Variants in KCNK3 observed in about 807,000 individuals in gnomAD.
KCNK3 encodes the protein potassium two pore domain channel subfamily K member 3, also known as potassium channel subfamily K member 3.
KCNK3 carries 9 observed loss-of-function variants against 27.3 expected under a neutral mutation model. The ratio of observed to expected loss-of-function variants is 0.33; its 90% CI spans 0.20 to 0.57. The LOEUF (loss-of-function observed/expected upper bound fraction) is 0.57. Ranked by LOEUF, KCNK3 falls within the 20% of genes least tolerant of loss-of-function variation. The pLI is 0.87. For missense variants in KCNK3, 391 were observed against 577.7 expected (o/e 0.68, Z 3.31); for synonymous variants, 278 against 273.8 (o/e 1.02, Z -0.15).
At position 26,693,375 on chromosome 2, in the gene KCNK3, G is replaced by T. The variant is rs1175447162; in HGVS notation, c.283+217G>T. On this transcript the variant is annotated intron_variant, in intron 1 of 1. Coordinates refer to ENST00000302909, the MANE Select transcript of KCNK3 (RefSeq NM_002246.3). The surrounding 1 kb of genome is among the most constrained non-coding windows in gnomAD (Gnocchi z 5.5). ...TCCTGGCTCCGGACCTGACTCTCCGGCCGGGCCAGCCCTAACTTGGCCCTG... is the reference window on the plus strand; with the variant it reads ...TCCTGGCTCCGGACCTGACTCTCCGTCCGGGCCAGCCCTAACTTGGCCCTG... Among the ~76,000 whole-genome samples, 1 of 152,234 alleles carries T rather than the reference G, an allele frequency of 6.6e-6. No homozygotes were observed. The highest frequency in any genetic ancestry group is 1.5e-5 in the Non-Finnish European group (1 of 68,022).
chr2:26,708,771 CTT>C (rs1207021913), intron 1 of KCNK3, among the ~76,000 whole-genome samples: 2 of 152,196 alleles, frequency 1.3e-5, no homozygotes. Context: ...TGTGACATGA[CTT>C]AAATTTTTAC....
In KCNK3 at chr2:26,699,255, C is replaced by CAAAGAAAGAAAGAAAGAAAGAA. The variant is rs1228423650; in HGVS notation, c.283+6098_283+6099insAAGAAAGAAAGAAAGAAAGAAA. On this transcript the variant is annotated intron_variant, in intron 1 of 1. Coordinates refer to ENST00000302909, the MANE Select transcript of KCNK3 (RefSeq NM_002246.3). ...AAAGAAAGAAAGAAAGAAAGAAAGCCAGCCAAGGAGAAAGGTACACGGTGG... is the reference window on the plus strand; with the variant it reads ...AAAGAAAGAAAGAAAGAAAGAAAGCCAAAGAAAGAAAGAAAGAAAGAAAGCCAAGGAGAAAGGTACACGGTGG... Among the ~76,000 whole-genome samples, 158 of 106,476 alleles carry CAAAGAAAGAAAGAAAGAAAGAA rather than the reference C, an allele frequency of 1.5e-3. 1 individual carries two copies. Among genetic ancestry groups the CAAAGAAAGAAAGAAAGAAAGAA allele is most frequent in the Non-Finnish European group, 2.4e-3 (115 of 47,998 alleles). 69.9% of individuals were successfully genotyped at this position (106,476 alleles called of 152,430 possible). A position where few individuals can be genotyped will look rare whatever the true frequency, so the allele number is the denominator to read the frequency against.
chr2:26,722,995 C>T (rs1420507898), intron 1 of KCNK3, among the ~76,000 whole-genome samples: 1 of 152,192 alleles, frequency 6.6e-6, no homozygotes, highest in Non-Finnish European at 1.5e-5. Flanking sequence ...CAGGTCAGAC[C>T]CCAGATCTCC....
At chr2:26,695,784 T>TG (rs1670227270) in intron 1 of KCNK3, among the ~76,000 whole-genome samples, 2 of 152,126 alleles carry the variant, frequency 1.3e-5, no homozygotes, top group Admixed American at 6.5e-5. Flanking sequence ...CTAAAAGCCA[T>TG]GGGGGGAGAG....
intron 1 of KCNK3, among the ~76,000 whole-genome samples, chr2:26,724,164 G>A (rs541421062): frequency 6.6e-6 from 1 of 152,344 alleles, no homozygotes; most frequent in Admixed American, 6.5e-5. Context: ...GGGCGCCCAC[G>A]TCAGCAGGTC....
chr2:26,724,530 T>C (rs1663378196), intron 1 of KCNK3: 2 of 918,138 alleles, frequency 2.2e-6, no homozygotes, highest in Admixed American at 6.2e-5. Flanking sequence ...TAAGAAGTTT[T>C]TGAGGATTAA....
At chr2:26,715,690 G>T (rs1330981855) in intron 1 of KCNK3, among the ~76,000 whole-genome samples, 1 of 152,224 alleles carries the variant, frequency 6.6e-6, no homozygotes, top group South Asian at 2.1e-4. Flanking sequence ...AGGGCCGGGA[G>T]GGTGTAGGGG....
In KCNK3 at chr2:26,729,883, TG is replaced by T. The variant is rs1227778350; in HGVS notation, c.*1316del. On this transcript the variant is annotated 3_prime_UTR_variant, in exon 2 of 2. Transcript: ENST00000302909. ...AAGGGAGACAAGAGCCCAGCCTGCTTGTTGCTAGCCAAAGTGTTCTTTCCTT... is the reference window on the plus strand; with the variant it reads ...AAGGGAGACAAGAGCCCAGCCTGCTTTTGCTAGCCAAAGTGTTCTTTCCTT... 4.6e-5 allele frequency: 7 copies of T among 151,760 alleles called. No homozygotes were observed. The highest frequency in any genetic ancestry group is 1.0e-4 in the Non-Finnish European group (7 of 68,114). 9.4% of individuals were successfully genotyped at this position (151,760 alleles called of 1,614,324 possible).
rs577810710 is a variant in KCNK3, at chr2:26,713,546, G to A, written c.284-14121G>A. On this transcript the variant is annotated intron_variant, in intron 1 of 1. Coordinates refer to ENST00000302909, the MANE Select transcript of KCNK3 (RefSeq NM_002246.3). The stretch of plus-strand genomic sequence containing the variant: ...TGTAATCCCAGCACTTTGGGAAGCC[G>A]AGGCGGGCGGATCCCCTGAGGTCAG... Among the ~76,000 whole-genome samples the A allele has an allele frequency of 1.1e-4, 17 of 152,028 alleles. No individual in the cohort carries two copies. In the South Asian group the frequency reaches 2.3e-3, roughly 20 times the overall value.
intron 1 of KCNK3, among the ~76,000 whole-genome samples, chr2:26,706,952 T>C (rs911343262): frequency 3.3e-5 from 5 of 152,088 alleles, no homozygotes; most frequent in Non-Finnish European, 5.9e-5. Context: ...GCCCTTCCAG[T>C]TGGGGCCGTC....
At position 26,692,948 on chromosome 2, in the gene KCNK3, G is replaced by T; in HGVS notation, c.73G>T (p.Val25Phe). ...TFTYLLVGAA[V>F]FDALESEPEL... ...CACCTACCTGCTGGTGGGCGCCGCG[G>T]TCTTCGACGCGCTGGAGTCGGAGCC... The change falls in exon 1 of 2, where the codon GTC (valine) becomes TTC (phenylalanine). Residue 25 changes from valine (V) to phenylalanine (F), a missense_variant. Transcript: ENST00000302909. This position sits in a 1 kb window ranked among gnomAD's most constrained non-coding sequence, Gnocchi z 5.6. 1 of 1,554,778 alleles carries T rather than the reference G, an allele frequency of 6.4e-7. No homozygotes were observed. Among genetic ancestry groups the T allele is most frequent in the African/African-American group, 1.4e-5 (1 of 72,740 alleles).
intron 1 of KCNK3, among the ~76,000 whole-genome samples, chr2:26,696,848 G>A (rs1364887417): frequency 6.6e-6 from 1 of 152,106 alleles, no homozygotes; most frequent in Non-Finnish European, 1.5e-5. Context: ...CAGTCAGAGG[G>A]TAGCAAAAAC....
At chr2:26,717,902 G>A (rs545386385) in intron 1 of KCNK3, among the ~76,000 whole-genome samples, 1 of 152,306 alleles carries the variant, frequency 6.6e-6, no homozygotes. Flanking sequence ...TGATGAAGCA[G>A]CAGCTCTGTG....
chr2:26,697,048 T>C (rs548509358), intron 1 of KCNK3, among the ~76,000 whole-genome samples: 1 of 152,268 alleles, frequency 6.6e-6, no homozygotes, highest in South Asian at 2.1e-4. Context: ...TAGATAGGCA[T>C]TATTACCCCC....
chr2:26,715,593 C>T (rs1420637861), intron 1 of KCNK3, among the ~76,000 whole-genome samples: 1 of 152,202 alleles, frequency 6.6e-6, no homozygotes, highest in South Asian at 2.1e-4. Context: ...GGTACCAACA[C>T]GATTCCCAAA....
intron 1 of KCNK3, among the ~76,000 whole-genome samples, chr2:26,703,654 A>C (rs1572603909): frequency 6.6e-6 from 1 of 152,290 alleles, no homozygotes; most frequent in Non-Finnish European, 1.5e-5. Context: ...TGTGCCAGGC[A>C]CTATGTGAGG....
At chr2:26,727,545 T>C (rs933173341) in intron 1 of KCNK3, 122 bp from the exon 2 acceptor site, 1 of 1,317,794 alleles carries the variant, frequency 7.6e-7, no homozygotes, top group Non-Finnish European at 1.0e-6. Context: ...GGAGCGCCCA[T>C]CACTGTGGAC....
intron 1 of KCNK3, among the ~76,000 whole-genome samples, chr2:26,698,458 G>A (rs1387560833): frequency 6.6e-6 from 1 of 151,996 alleles, no homozygotes; most frequent in Non-Finnish European, 1.5e-5. Context: ...TACAAAGTGG[G>A]GATAATAATA....
chr2:26,716,737 T>C (rs1294416912), intron 1 of KCNK3, among the ~76,000 whole-genome samples: 2 of 152,166 alleles, frequency 1.3e-5, no homozygotes, highest in Non-Finnish European at 2.9e-5. Flanking sequence ...AACTAGCGAT[T>C]TACTCAATGC....
Sources: allele counts gnomAD v4.1 joint callset (sites outside exome capture counted in the v4.1 genomes callset), GRCh38; gene constraint gnomAD v4.1.1; non-coding constraint Gnocchi (gnomAD v3.1); transcripts MANE v1.5; gene names NCBI Gene and HGNC (gene_info 2026-07-23, HGNC 2026-07-21).